Variants in SLC25A45 observed in about 807,000 individuals in gnomAD.
SLC25A45 encodes the protein solute carrier family 25 member 45.
A neutral mutation model predicts 23.0 loss-of-function variants in SLC25A45; 22 were observed. The ratio of observed to expected loss-of-function variants is 0.95; its 90% CI spans 0.68 to 1.36. The LOEUF (loss-of-function observed/expected upper bound fraction) is 1.36, where lower values mean the gene tolerates loss of function less well. Among genes scored for constraint, SLC25A45 ranks in the 40% most tolerant of loss-of-function variants. The probability of loss-of-function intolerance (pLI) is 0.00; values close to 1 mark genes in which losing one functional copy is unlikely to be tolerated. For missense variants in SLC25A45, 355 were observed against 383.5 expected (o/e 0.93, Z 0.62); for synonymous variants, 136 against 155.0 (o/e 0.88, Z 0.91).
At position 65,376,568 on chromosome 11, in the gene SLC25A45, GTC is replaced by G; in HGVS notation, c.704_705del (p.Arg235ThrfsTer122). On this transcript the variant is annotated frameshift_variant, in exon 7 of 7. Transcript: ENST00000398802. LOFTEE classifies it low-confidence loss of function (END_TRUNC). ...TCCAGCATCCCCTGGTACACTCTGCGTCTCAGTCCATCCATCTGCATCCGGGA... is the reference window on the plus strand; with the variant it reads ...TCCAGCATCCCCTGGTACACTCTGCGTCAGTCCATCCATCTGCATCCGGGA... ...IKSRMQMDGL[R>X]RRVYQGMLDC... 1 of 1,614,120 alleles carries G rather than the reference GTC, an allele frequency of 6.2e-7. No individual in the cohort carries two copies. The highest frequency in any genetic ancestry group is 1.7e-5 in the Admixed American group (1 of 60,018).
chr11:65,377,287 C>G, intron 5 of SLC25A45: 1 of 1,407,026 alleles, frequency 7.1e-7, no homozygotes, highest in Non-Finnish European at 9.2e-7. Flanking sequence ...GGCATCAGGC[C>G]CAAGAGTGAG....
intron 6 of SLC25A45, 68 bp downstream of exon 6, chr11:65,376,750 C>A: frequency 6.2e-7 from 1 of 1,613,834 alleles, no homozygotes; most frequent in Non-Finnish European, 8.5e-7. Context: ...TTTCCTTCCC[C>A]AGTCCCCGCT....
At chr11:65,380,944 G>A in intron 2 of SLC25A45, 1 of 215,888 alleles carries the variant, frequency 4.6e-6, no homozygotes, top group South Asian at 5.4e-5. Flanking sequence ...AGCCCAACAG[G>A]GTGGGCCTGG....
At position 65,379,888 on chromosome 11, in the gene SLC25A45, G is replaced by T; in HGVS notation, c.132C>A (p.Val44=). ...TTYRGIVDCM[V]KIYRHESLLG... ...TCACGGACTCATGGCGGTAAATCTTGACCATGCAATCAACGATGCCCCGGT... is the reference window on the plus strand; with the variant it reads ...TCACGGACTCATGGCGGTAAATCTTTACCATGCAATCAACGATGCCCCGGT... The change falls in exon 4 of 7, where the codon GTC becomes GTA. Residue 44 remains valine (V), a synonymous_variant. Coordinates refer to ENST00000398802, the MANE Select transcript of SLC25A45 (RefSeq NM_182556.4). 6.2e-7 allele frequency: 1 copy of T among 1,614,208 alleles called. No individual in the cohort carries two copies. Among genetic ancestry groups the T allele is most frequent in the South Asian group, 1.1e-5 (1 of 91,070 alleles).
At chr11:65,378,960 G>A (rs1855372101) in intron 5 of SLC25A45, 1 of 196,144 alleles carries the variant, frequency 5.1e-6, no homozygotes, top group South Asian at 7.8e-5. Flanking sequence ...GCAGGGCCAG[G>A]GGAGTGTCAG....
chr11:65,376,368 C>A lies in SLC25A45; in HGVS notation c.*39G>T. The A allele has an allele frequency of 1.2e-6, 2 of 1,601,382 alleles. No homozygotes were observed. On this transcript the variant is annotated 3_prime_UTR_variant, in exon 7 of 7. Coordinates refer to ENST00000398802, the MANE Select transcript of SLC25A45 (RefSeq NM_182556.4). ...TCCAATCTCAAACTGGCCTCCAGGC[C>A]GTGGGCCTGATGGGGAGCTGCTGGC...
Position 65,379,855 on chromosome 11 carries a change from T to C in SLC25A45, c.153+12A>G, listed in dbSNP as rs763661587. On this transcript the variant is annotated intron_variant, in intron 4 of 6. Coordinates refer to ENST00000398802, the MANE Select transcript of SLC25A45 (RefSeq NM_182556.4). ...CGAAAGGGGAAGGACCCCAAAGGAG[T>C]GGGCCACTCACGGACTCATGGCGGT... 14 of 1,613,946 alleles carry C rather than the reference T, an allele frequency of 8.7e-6. No homozygotes were observed. The South Asian group carries it at 1.5e-4, about 18-fold the overall frequency.
chr11:65,379,090 C>T lies in SLC25A45; in HGVS notation c.339+286G>A. The stretch of plus-strand genomic sequence containing the variant: ...CCCCACAGCTCTGAGGCTGGCAGAC[C>T]CCTCTGGAGGGGGGCAAGCCCCGTC... On this transcript the variant is annotated intron_variant, in intron 5 of 6. Coordinates refer to ENST00000398802, the MANE Select transcript of SLC25A45 (RefSeq NM_182556.4). The T allele has an allele frequency of 7.0e-6, 3 of 429,904 alleles. No homozygotes were observed. In the South Asian group the frequency reaches 7.7e-5, roughly 11 times the overall value. The allele number at this position is 429,904 out of a possible 1,614,324, so 26.6% of individuals were successfully genotyped here.
rs1317217106 is a variant in SLC25A45 at position 65,376,969 on chromosome 11, G to A, written c.447C>T (p.His149=). Residue 149 remains histidine (H), a synonymous_variant, in exon 6 of 7, where the codon CAC becomes CAT. Coordinates refer to ENST00000398802, the MANE Select transcript of SLC25A45 (RefSeq NM_182556.4). ...CCTCCCGGAAGATGGAGGCTGCACA[G>A]TGCACGGGCCCCTGGTACCGGGGTG... ...SPPPRYQGPV[H]CAASIFREEG... The A allele has an allele frequency of 6.2e-7, 1 of 1,613,326 alleles. No individual in the cohort carries two copies. Among genetic ancestry groups the A allele is most frequent in the Admixed American group, 1.7e-5 (1 of 59,932 alleles).
chr11:65,376,863 A>G lies in SLC25A45; in HGVS notation c.553T>C (p.Tyr185His). 6.2e-7 allele frequency: 1 copy of G among 1,614,134 alleles called. No individual in the cohort carries two copies. Among genetic ancestry groups the G allele is most frequent in the Non-Finnish European group, 8.5e-7 (1 of 1,180,008 alleles). The stretch of plus-strand genomic sequence containing the variant: ...GTGTACTGGCGACAGAGCCCTTCAT[A>G]GGTGATGAAGTAGATCCCCACCGTG... ...TPTVGIYFITYEGLCRQYTPE... is the reference protein window; with the variant it reads ...TPTVGIYFITHEGLCRQYTPE... The change falls in exon 6 of 7, where the codon TAT (tyrosine) becomes CAT (histidine). Residue 185 changes from tyrosine to histidine, a missense_variant. Transcript: ENST00000398802.
rs779156695 is a variant in SLC25A45, at chr11:65,376,956, T to C, written c.460A>G (p.Ile154Val). 3.7e-6 allele frequency: 6 copies of C among 1,613,024 alleles called. No homozygotes were observed. Among genetic ancestry groups the C allele is most frequent in the Non-Finnish European group, 4.2e-6 (5 of 1,179,390 alleles). The change falls in exon 6 of 7, where the codon ATC becomes GTC. Residue 154 changes from isoleucine to valine, a missense_variant. Ile to Val is a conservative substitution (Grantham distance 29). Transcript: ENST00000398802. ...CCCCGGGGCCCCTCCTCCCGGAAGA[T>C]GGAGGCTGCACAGTGCACGGGCCCC... ...YQGPVHCAAS[I>V]FREEGPRGLF...
In SLC25A45 at chr11:65,379,598, T is replaced by C. The variant is rs755169099; in HGVS notation, c.154-37A>G. 5.7e-6 allele frequency: 9 copies of C among 1,567,332 alleles called. No homozygotes were observed. In the Admixed American group the frequency reaches 1.6e-4, roughly 28 times the overall value. On this transcript the variant is annotated intron_variant, in intron 4 of 6. Transcript: ENST00000398802. Reference sequence around the variant, plus strand: ...CACAGTGGCAGCGGAGTAGGCACCGTGGGGCCTCCCCTTTGTCCTCTCCAC... The same window carrying C: ...CACAGTGGCAGCGGAGTAGGCACCGCGGGGCCTCCCCTTTGTCCTCTCCAC...
chr11:65,379,681 G>T, intron 4 of SLC25A45, 120 bp from the exon 5 acceptor site: 1 of 1,263,190 alleles, frequency 7.9e-7, no homozygotes. Flanking sequence ...CAGGGAAGTG[G>T]GGACAGGCAG....
At chr11:65,383,184 C>A, upstream of SLC25A45, 1 of 152,912 alleles carries the variant, frequency 6.5e-6, no homozygotes. Context: ...CTCCCCGCAG[C>A]TCCTAGTCTC....
chr11:65,379,176 G>C (rs970437477), intron 5 of SLC25A45, 200 bp downstream of exon 5: 3 of 611,908 alleles, frequency 4.9e-6, no homozygotes, highest in African/African-American at 1.9e-5. Context: ...CCCACCAGCT[G>C]TCTCTGCCTT....
intron 5 of SLC25A45, chr11:65,379,065 C>T (rs1855382049): frequency 2.7e-6 from 1 of 373,638 alleles, no homozygotes; most frequent in Non-Finnish European, 4.9e-6. Flanking sequence ...GGAGTGGGCT[C>T]CCCACAGCTC....
chr11:65,379,400 C>T lies in SLC25A45; in HGVS notation c.315G>A (p.Ala105=), dbSNP rs370510871. 289 of 1,611,534 alleles carry T rather than the reference C, an allele frequency of 1.8e-4. No individual in the cohort carries two copies. The highest frequency in any genetic ancestry group is 2.3e-4 in the Non-Finnish European group (271 of 1,179,948). ...QPPSYMHIFL[A]GCTGGFLQAY... is the part of the protein sequence containing the mutation. Reference sequence around the variant, plus strand: ...CCTGCAGGAACCCCCCGGTGCAGCCCGCTAGGAAGATGTGCATGTAGCTGG... The same window carrying T: ...CCTGCAGGAACCCCCCGGTGCAGCCTGCTAGGAAGATGTGCATGTAGCTGG... The change falls in exon 5 of 7, where the codon GCG becomes GCA. Residue 105 remains alanine (A), a synonymous_variant. Coordinates refer to ENST00000398802, the MANE Select transcript of SLC25A45 (RefSeq NM_182556.4).
chr11:65,379,990 C>A, intron 3 of SLC25A45, 52 bp from the exon 4 acceptor site: 1 of 1,607,302 alleles, frequency 6.2e-7, no homozygotes, highest in East Asian at 2.2e-5. Context: ...GGTGGGCCAA[C>A]CTTTCCCTCT....
chr11:65,383,224 C>T (rs530053480), upstream of SLC25A45: 7 of 152,686 alleles, frequency 4.6e-5, no homozygotes, highest in East Asian at 1.2e-3. Flanking sequence ...CCCAGTCCTT[C>T]TCTCCCTTCT....
Sources: gnomAD v4.1 joint callset for allele counts on GRCh38, gnomAD v4.1.1 for gene constraint, MANE v1.5 for transcripts, NCBI Gene and HGNC (gene_info 2026-07-23, HGNC 2026-07-21) for gene names.